KPNB1: variants seen among roughly 807,000 people sequenced by gnomAD.
KPNB1 encodes the protein karyopherin subunit beta 1.
In KPNB1, 7 loss-of-function variants were observed where a neutral mutation model predicts 113.0. The observed-to-expected ratio is 0.06, with a 90% CI of 0.04 to 0.12. The LOEUF is 0.12. KPNB1 is among the 10% of genes least tolerant of loss of function. KPNB1 has a pLI of 1.00. For synonymous variants in KPNB1, 363 were observed against 378.6 expected (o/e 0.96, Z 0.48); for missense variants, 400 against 1,054.8 (o/e 0.38, Z 8.60).
chr17:47,677,836 G>A (rs1293271996), intron 17 of KPNB1, among the ~76,000 whole-genome samples: 1 of 152,156 alleles, frequency 6.6e-6, no homozygotes, highest in African/African-American at 2.4e-5. Flanking sequence ...TGATTCTTAA[G>A]TCAGTCTCCT....
At chr17:47,673,363 A>AT (rs572491396) in intron 13 of KPNB1, 127 bp from the exon 14 acceptor site, 3 of 898,840 alleles carry the variant, frequency 3.3e-6, no homozygotes, top group Non-Finnish European at 5.3e-6. Context: ...GTGTTACACT[A>AT]TATGTATTAT....
At chr17:47,651,319 C>CAAAG in intron 2 of KPNB1, 1 of 985,332 alleles carries the variant, frequency 1.0e-6, no homozygotes, top group Non-Finnish European at 1.2e-6. Flanking sequence ...TGTCCATCTC[C>CAAAG]TGTTGGGGGA....
chr17:47,658,465 G>T, intron 4 of KPNB1, 43 bp from the exon 5 acceptor site: 1 of 1,580,802 alleles, frequency 6.3e-7, no homozygotes. Flanking sequence ...CATGGCTGCA[G>T]AGGGCTGACT....
Position 47,668,231 on chromosome 17 carries a change from G to A in KPNB1, c.1045G>A (p.Gly349Arg). ...TGACTGGAACCCCTGCAAAGCAGCA[G>A]GGGTGTGCCTCATGCTTCTGGCCAC... ...DDDWNPCKAA[G>R]VCLMLLATCC... is the part of the protein sequence containing the mutation. Residue 349 changes from glycine (G) to arginine (R), a missense_variant, in exon 10 of 22, where the codon GGG becomes AGG. This residue lies in a region of KPNB1 where 285 missense variants were observed against 627.0 expected (regional missense o/e 0.45). Transcript: ENST00000290158. 6.2e-7 allele frequency: 1 copy of A among 1,614,196 alleles called. No individual in the cohort carries two copies. Among genetic ancestry groups the A allele is most frequent in the Non-Finnish European group, 8.5e-7 (1 of 1,180,032 alleles).
At chr17:47,674,995 T>G (rs929455918) in intron 15 of KPNB1, among the ~76,000 whole-genome samples, 1 of 152,156 alleles carries the variant, frequency 6.6e-6, no homozygotes, top group African/African-American at 2.4e-5. Flanking sequence ...AATTTTTATA[T>G]TTTTGGTAGA....
At position 47,683,104 on chromosome 17, in the gene KPNB1, A is replaced by AAC. The variant is rs1555619976; in HGVS notation, c.*701_*702insCA. 1.4e-5 allele frequency: 2 copies of AAC among 147,104 alleles called. No individual in the cohort carries two copies. Among genetic ancestry groups the AAC allele is most frequent in the South Asian group, 2.1e-4 (1 of 4,702 alleles). 9.1% of individuals were successfully genotyped at this position (147,104 alleles called of 1,614,324 possible). A position where few individuals can be genotyped will look rare whatever the true frequency, so the allele number is the denominator to read the frequency against. On this transcript the variant is annotated 3_prime_UTR_variant, in exon 22 of 22. Transcript: ENST00000290158. The stretch of plus-strand genomic sequence containing the variant: ...CACAAGAGATGTAAAAAAAAAAAAA[A>AAC]AAAAAAAAAAAAAAACACACACACA...
At chr17:47,650,554 GT>G (rs1915514865) in intron 2 of KPNB1, 110 bp downstream of exon 2, 12 of 661,456 alleles carry the variant, frequency 1.8e-5, no homozygotes, top group Non-Finnish European at 2.4e-5. Context: ...GCCCCATCCC[GT>G]CCCCCTCCCC....
rs61750353 is a variant in KPNB1, at chr17:47,652,802, C to T, written c.208C>T (p.Pro70Ser). The T allele has an allele frequency of 2.5e-6, 4 of 1,611,748 alleles. No homozygotes were observed. The highest frequency in any genetic ancestry group is 2.5e-6 in the Non-Finnish European group (3 of 1,179,128). Residue 70 changes from proline (P) to serine (S), a missense_variant, in exon 3 of 22, where the codon CCA (proline) becomes TCA (serine). By Grantham distance (74) the Pro-to-Ser change is moderately conservative (BLOSUM62 -1). Around this residue, in one of 2 missense-constraint regions of KPNB1, gnomAD observed 285 missense variants for 627.0 expected, o/e 0.45. Transcript: ENST00000290158. ...CAAGAACTCTTTGACATCTAAAGAT[C>T]CAGATATCAAGGCACAATATCAGCA... is the stretch of plus-strand genomic sequence containing the variant. Reference protein sequence around the residue: ...QIKNSLTSKDPDIKAQYQQRW... With the variant: ...QIKNSLTSKDSDIKAQYQQRW...
intron 19 of KPNB1, among the ~76,000 whole-genome samples, chr17:47,678,854 C>T (rs918994772): frequency 2.6e-5 from 4 of 152,170 alleles, no homozygotes; most frequent in Non-Finnish European, 4.4e-5. Flanking sequence ...TTGATCCACC[C>T]GCCTTGGTCT....
At chr17:47,681,784 G>A (rs2030794741) in intron 21 of KPNB1, among the ~76,000 whole-genome samples, 1 of 141,990 alleles carries the variant, frequency 7.0e-6, no homozygotes. Flanking sequence ...CACCTTTGTC[G>A]GTCTCCCAGG....
intron 2 of KPNB1, chr17:47,651,204 G>C: frequency 1.0e-6 from 1 of 985,056 alleles, no homozygotes. Context: ...AAATTTAAGG[G>C]GTCCGGAGAA....
intron 7 of KPNB1, among the ~76,000 whole-genome samples, chr17:47,663,438 C>T (rs990115169): frequency 3.3e-5 from 5 of 151,940 alleles, no homozygotes; most frequent in Non-Finnish European, 7.4e-5. Context: ...CTGAGGTGGG[C>T]AGATCACCTG....
At chr17:47,672,241 C>G (rs1280138203) in intron 12 of KPNB1, among the ~76,000 whole-genome samples, 2 of 151,750 alleles carry the variant, frequency 1.3e-5, no homozygotes, top group African/African-American at 2.4e-5. Flanking sequence ...CCTGACACCT[C>G]AGGTGATCTG....
chr17:47,683,538 CACAT>C lies in KPNB1; in HGVS notation c.*1138_*1141del, dbSNP rs1201979676. On this transcript the variant is annotated 3_prime_UTR_variant, in exon 22 of 22. Transcript: ENST00000290158. Reference sequence around the variant, plus strand: ...AAAATAAATATACAATAAAAGTAAACACATACACACAAAACAGCAAACTTCAGGT... The same window carrying C: ...AAAATAAATATACAATAAAAGTAAACACACACAAAACAGCAAACTTCAGGT... 2 of 152,468 alleles carry C rather than the reference CACAT, an allele frequency of 1.3e-5. No individual in the cohort carries two copies. The highest frequency in any genetic ancestry group is 2.9e-5 in the Non-Finnish European group (2 of 68,010). The allele number at this position is 152,468 out of a possible 1,614,324, so 9.4% of individuals were successfully genotyped here. A position where few individuals can be genotyped will look rare whatever the true frequency, so the allele number is the denominator to read the frequency against.
At chr17:47,650,710 C>T (rs563899368) in intron 2 of KPNB1, among the ~76,000 whole-genome samples, 67 of 152,228 alleles carry the variant, frequency 4.4e-4, no homozygotes, top group Middle Eastern at 3.4e-3. Flanking sequence ...CTGAGGGCGG[C>T]GGTGCAGCGG....
In KPNB1 at chr17:47,656,976, G is replaced by A; in HGVS notation, c.399G>A (p.Leu133=). ...VNQWPELIPQ[L]VANVTNPNST... is the part of the protein sequence containing the mutation. ...AGTGGCCAGAACTCATTCCTCAGCT[G>A]GTGGCCAATGTCACAAACCCCAACA... The change falls in exon 4 of 22, where the codon CTG becomes CTA. Residue 133 remains leucine, a synonymous_variant. Transcript: ENST00000290158. 6.2e-7 allele frequency: 1 copy of A among 1,614,132 alleles called. No individual in the cohort carries two copies. Among genetic ancestry groups the A allele is most frequent in the African/African-American group, 1.3e-5 (1 of 75,022 alleles).
chr17:47,660,192 C>T (rs907775596), intron 5 of KPNB1, among the ~76,000 whole-genome samples: 2 of 152,096 alleles, frequency 1.3e-5, no homozygotes, highest in African/African-American at 4.8e-5. Flanking sequence ...AACGAAATAC[C>T]TTACGTAAGT....
Position 47,683,040 on chromosome 17 carries a change from A to G in KPNB1, c.*636A>G, listed in dbSNP as rs1295973780. ...CAGAAAACAAGGGGTTAGATGTTGC[A>G]TTTCATAAAACTAACCGAAGTTTTG... On this transcript the variant is annotated 3_prime_UTR_variant, in exon 22 of 22. Coordinates refer to ENST00000290158, the MANE Select transcript of KPNB1 (RefSeq NM_002265.6). The G allele has an allele frequency of 7.8e-6, 1 of 127,978 alleles. No homozygotes were observed. Among genetic ancestry groups the G allele is most frequent in the Non-Finnish European group, 1.6e-5 (1 of 63,456 alleles). The allele number at this position is 127,978 out of a possible 1,614,324, so 7.9% of individuals were successfully genotyped here.
chr17:47,681,700 T>G lies in KPNB1; in HGVS notation c.*-704T>G, dbSNP rs868791372. 8.6e-4 allele frequency among the ~76,000 whole-genome samples: 126 copies of G among 146,452 alleles called. No homozygotes were observed. The East Asian group carries it at 0.015, about 18-fold the overall frequency. ...TGGAATTATAGGTTTTTTTTTTTTT[T>G]TTTTTTTTTTTGTATTTTTAGTAGA... On this transcript the variant is annotated intron_variant, in intron 21 of 21. Coordinates refer to ENST00000290158, the MANE Select transcript of KPNB1 (RefSeq NM_002265.6).
Sources: allele counts gnomAD v4.1 joint callset (sites outside exome capture counted in the v4.1 genomes callset), GRCh38; gene constraint gnomAD v4.1.1; regional missense constraint gnomAD v4.1.1; transcripts MANE v1.5; gene names NCBI Gene and HGNC (gene_info 2026-07-23, HGNC 2026-07-21).